The following MAML2 variants were observed in gnomAD, a reference collection of about 807,000 sequenced individuals.
MAML2 encodes mastermind like transcriptional coactivator 2, also known as mastermind-like protein 2.
A neutral mutation model predicts 96.1 loss-of-function variants in MAML2; 22 were observed. The ratio of observed to expected loss-of-function variants is 0.23; its 90% confidence interval spans 0.16 to 0.33. The LOEUF (loss-of-function observed/expected upper bound fraction) is 0.33. Among genes scored for constraint, MAML2 ranks in the 10% least tolerant of loss-of-function variants. The probability of loss-of-function intolerance (pLI) is 1.00; values close to 1 mark genes in which losing one functional copy is unlikely to be tolerated. For synonymous variants in MAML2, 561 were observed against 521.3 expected (o/e 1.08, Z -1.04); for missense variants, 1,367 against 1,392.4 (o/e 0.98, Z 0.29).
At chr11:96,122,500 GTGTGTGT>G (rs200350111) in intron 1 of MAML2, among the ~76,000 whole-genome samples, 26,759 of 86,394 alleles carry the variant, frequency 0.31, 2,413 homozygotes, top group Middle Eastern at 0.36. Context: ...TAGGCTGGGT[GTGTGTGT>G]GTGTGTGTGT....
At chr11:96,039,566 C>T (rs189173620) in intron 2 of MAML2, among the ~76,000 whole-genome samples, 65 of 152,068 alleles carry the variant, frequency 4.3e-4, no homozygotes, top group African/African-American at 1.5e-3. Context: ...TCTGACATGG[C>T]GCAAATAGAA....
In MAML2 at chr11:96,286,921, A is replaced by G. The variant is rs571562320; in HGVS notation, c.513+54462T>C. ...CACCATATCAGCCGGTGATCTCAAT[A>G]TGGCCCTCAAATTTTGCTGTCATGG... On this transcript the variant is annotated intron_variant, in intron 1 of 4. Coordinates refer to ENST00000524717, the MANE Select transcript of MAML2 (RefSeq NM_032427.4). 1.4e-3 allele frequency among the ~76,000 whole-genome samples: 215 copies of G among 152,336 alleles called. 2 individuals carry two copies. Among genetic ancestry groups the G allele is most frequent in the African/African-American group, 5.1e-3 (210 of 41,580 alleles).
At chr11:96,318,883 G>T (rs1201846605) in intron 1 of MAML2, among the ~76,000 whole-genome samples, 1 of 152,130 alleles carries the variant, frequency 6.6e-6, no homozygotes, top group Admixed American at 6.5e-5. Flanking sequence ...TGGGCTATTG[G>T]CCAATGTTTA....
chr11:96,090,470 C>T (rs2135807985), intron 2 of MAML2, among the ~76,000 whole-genome samples: 1 of 152,238 alleles, frequency 6.6e-6, no homozygotes, highest in East Asian at 1.9e-4. Flanking sequence ...CAGTGAGTCC[C>T]TTGAGGTGAC....
intron 2 of MAML2, among the ~76,000 whole-genome samples, chr11:96,014,069 A>G (rs1313158565): frequency 6.6e-6 from 1 of 152,198 alleles, no homozygotes; most frequent in Non-Finnish European, 1.5e-5. Flanking sequence ...GCAGCCCCAC[A>G]GCCTGCCTGT....
chr11:96,125,570 G>A (rs536103835), intron 1 of MAML2, among the ~76,000 whole-genome samples: 7 of 152,250 alleles, frequency 4.6e-5, no homozygotes, highest in African/African-American at 1.7e-4. Context: ...TGCTGGGTTG[G>A]CACACATATT....
At chr11:96,309,950 G>C (rs901928216) in intron 1 of MAML2, among the ~76,000 whole-genome samples, 2 of 152,030 alleles carry the variant, frequency 1.3e-5, no homozygotes, top group Non-Finnish European at 2.9e-5. Flanking sequence ...CAGTCTACCA[G>C]CTTTGGCCTT....
chr11:96,169,822 T>C (rs1266959649), intron 1 of MAML2, among the ~76,000 whole-genome samples: 2 of 152,110 alleles, frequency 1.3e-5, no homozygotes, highest in African/African-American at 4.8e-5. Context: ...GCCCAGATAA[T>C]TTTTGTATTT....
chr11:96,281,252 G>A (rs1168340424), intron 1 of MAML2, among the ~76,000 whole-genome samples: 1 of 152,208 alleles, frequency 6.6e-6, no homozygotes, highest in Non-Finnish European at 1.5e-5. Context: ...GGTGATTCCA[G>A]GGAAGAGTCA....
At chr11:96,334,731 T>G (rs970695492) in intron 1 of MAML2, among the ~76,000 whole-genome samples, 2 of 152,224 alleles carry the variant, frequency 1.3e-5, no homozygotes, top group African/African-American at 4.8e-5. Flanking sequence ...TTTCCCAAAC[T>G]CTAAAAAGGA....
At chr11:96,021,687 G>T (rs1188313359) in intron 2 of MAML2, among the ~76,000 whole-genome samples, 1 of 152,224 alleles carries the variant, frequency 6.6e-6, no homozygotes, top group Non-Finnish European at 1.5e-5. Context: ...GTCCAAGAGT[G>T]ACTATGATGG....
intron 1 of MAML2, among the ~76,000 whole-genome samples, chr11:96,322,452 A>G (rs1373830474): frequency 6.6e-6 from 1 of 152,304 alleles, no homozygotes; most frequent in African/African-American, 2.4e-5. Flanking sequence ...TAATCCCAGC[A>G]CTTTGGGAGG....
intron 1 of MAML2, among the ~76,000 whole-genome samples, chr11:96,171,532 T>C (rs1210702004): frequency 6.6e-6 from 1 of 152,252 alleles, no homozygotes; most frequent in Non-Finnish European, 1.5e-5. Flanking sequence ...ACATTTTTAA[T>C]ATATTAGTGA....
chr11:96,289,527 C>T (rs1327953434), intron 1 of MAML2, among the ~76,000 whole-genome samples: 1 of 152,102 alleles, frequency 6.6e-6, no homozygotes, highest in Non-Finnish European at 1.5e-5. Context: ...ATGTAACTTT[C>T]CTAACTTGAT....
intron 1 of MAML2, among the ~76,000 whole-genome samples, chr11:96,241,775 G>C (rs951733346): frequency 6.6e-6 from 1 of 152,094 alleles, no homozygotes; most frequent in Admixed American, 6.6e-5. Context: ...ATGGGCCCTT[G>C]GTTTGTTTTA....
rs751624667 is a variant in MAML2 at position 96,341,645 on chromosome 11, T to C, written c.251A>G (p.Gln84Arg). The C allele has an allele frequency of 6.4e-6, 10 of 1,560,444 alleles. No individual in the cohort carries two copies. In the African/African-American group the frequency reaches 1.2e-4, roughly 19 times the overall value. Reference protein sequence around the residue: ...LQLLSLVQHGQGARKAGKHTK... With the variant: ...LQLLSLVQHGRGARKAGKHTK... ...GTGTTTGCCAGCTTTCCTTGCCCCC[T>C]GGCCATGCTGTACAAGGCTCAGGAG... Residue 84 changes from glutamine (Q) to arginine (R), a missense_variant, in exon 1 of 5, where the codon CAG becomes CGG. Coordinates refer to ENST00000524717, the MANE Select transcript of MAML2 (RefSeq NM_032427.4).
chr11:95,986,678 A>C (rs1857834387), intron 3 of MAML2, among the ~76,000 whole-genome samples: 1 of 152,192 alleles, frequency 6.6e-6, no homozygotes, highest in Non-Finnish European at 1.5e-5. Flanking sequence ...AAGCCTTGTT[A>C]GGCTAAGTAA....
chr11:96,007,533 T>C (rs1299027182), intron 2 of MAML2, among the ~76,000 whole-genome samples: 1 of 152,158 alleles, frequency 6.6e-6, no homozygotes, highest in African/African-American at 2.4e-5. Flanking sequence ...ATCAATTGTT[T>C]ATTTACATGT....
intron 1 of MAML2, among the ~76,000 whole-genome samples, chr11:96,160,572 C>T (rs573105895): frequency 2.7e-4 from 41 of 151,894 alleles, no homozygotes; most frequent in African/African-American, 6.8e-4. Context: ...GGATTACAGG[C>T]GCCTGCCACT....
Sources: gnomAD v4.1 joint callset for allele counts (sites outside exome capture counted in the v4.1 genomes callset) on GRCh38, gnomAD v4.1.1 for gene constraint, MANE v1.5 for transcripts, NCBI Gene and HGNC (gene_info 2026-07-23, HGNC 2026-07-21) for gene names.